ANKHD1: variants seen among roughly 807,000 people sequenced by gnomAD.
ANKHD1 encodes ankyrin repeat and KH domain-containing protein 1.
A neutral mutation model predicts 230.5 loss-of-function variants in ANKHD1; 31 were observed. The ratio of observed to expected loss-of-function variants is 0.13; its 90% CI spans 0.10 to 0.18. The LOEUF is 0.18. Ranked by LOEUF, ANKHD1 falls within the 10% of genes least tolerant of loss-of-function variation. ANKHD1 has a pLI of 1.00. For missense variants in ANKHD1, 2,256 were observed against 3,071.3 expected (o/e 0.73, Z 6.27); for synonymous variants, 1,074 against 1,117.6 (o/e 0.96, Z 0.78).
At chr5:140,534,565 A>T (rs1483085058) in intron 29 of ANKHD1, among the ~76,000 whole-genome samples, 1 of 152,206 alleles carries the variant, frequency 6.6e-6, no homozygotes. Context: ...TAAATGGGTG[A>T]ATTATATGGT....
chr5:140,486,034 C>A, intron 13 of ANKHD1: 1 of 270,818 alleles, frequency 3.7e-6, no homozygotes, highest in Non-Finnish European at 6.7e-6. Flanking sequence ...TGTTTTTTAA[C>A]AAGAGAATCA....
chr5:140,539,073 A>G lies in ANKHD1; in HGVS notation c.7559A>G (p.Asp2520Gly). The G allele has an allele frequency of 6.2e-7, 1 of 1,602,394 alleles. No homozygotes were observed. The change falls in exon 33 of 34, where the codon GAT becomes GGT. Residue 2520 changes from aspartate (D) to glycine (G), a missense_variant. Asp to Gly is a moderately conservative substitution (Grantham distance 94). Transcript: ENST00000360839. ...KVIQNSTECT[D>G]AQQIWPGTWA... ...ATCCAAAATTCAACTGAATGCACTG[A>G]TGCCCAGCAGGTAAAATGGGCTTAA...
intron 22 of ANKHD1, 149 bp from the exon 23 acceptor site, chr5:140,512,679 G>C (rs1218883581): frequency 7.1e-6 from 4 of 566,432 alleles, no homozygotes; most frequent in Non-Finnish European, 1.2e-5. Context: ...CTATTTGGAA[G>C]TATTTGCCTT....
intron 5 of ANKHD1, among the ~76,000 whole-genome samples, chr5:140,441,525 C>T (rs1480289601): frequency 6.6e-6 from 1 of 151,444 alleles, no homozygotes; most frequent in African/African-American, 2.4e-5. Context: ...GTCTTATGGA[C>T]ATAGGTATGC....
chr5:140,515,673 C>G (rs1752969378), intron 24 of ANKHD1, among the ~76,000 whole-genome samples: 1 of 152,210 alleles, frequency 6.6e-6, no homozygotes, highest in Non-Finnish European at 1.5e-5. Context: ...GGGGCACCCC[C>G]CAGCAGGGTC....
intron 1 of ANKHD1, among the ~76,000 whole-genome samples, chr5:140,419,386 T>A (rs540558137): frequency 6.6e-6 from 1 of 152,036 alleles, no homozygotes; most frequent in South Asian, 2.1e-4. Context: ...GGATGCTAGT[T>A]CCTTAACAGA....
chr5:140,479,730 AGGTATATATATATACT>A (rs1355162577), intron 10 of ANKHD1, among the ~76,000 whole-genome samples: 1 of 79,962 alleles, frequency 1.3e-5, no homozygotes, highest in Non-Finnish European at 2.9e-5. Context: ...ATACATACAT[AGGTATATATATATACT>A]TATATATATA....
In ANKHD1 at chr5:140,497,294, T is replaced by G; in HGVS notation, c.3004+16T>G. ...CTGATAGCAGGTGGGTTAAGAAATA[T>G]ATCTGTAATAATTTCTCTTTAATCT... is the stretch of plus-strand genomic sequence containing the variant. On this transcript the variant is annotated intron_variant, in intron 15 of 33. Transcript: ENST00000360839. 5 of 1,580,382 alleles carry G rather than the reference T, an allele frequency of 3.2e-6. No homozygotes were observed. The highest frequency in any genetic ancestry group is 4.3e-6 in the Non-Finnish European group (5 of 1,170,500).
intron 15 of ANKHD1, among the ~76,000 whole-genome samples, chr5:140,501,849 C>G (rs1752320200): frequency 6.6e-6 from 1 of 151,768 alleles, no homozygotes; most frequent in African/African-American, 2.4e-5. Flanking sequence ...AAACTTTCTT[C>G]AACTTCATAA....
intron 5 of ANKHD1, among the ~76,000 whole-genome samples, chr5:140,444,092 T>C (rs1432492922): frequency 7.8e-5 from 10 of 127,394 alleles, no homozygotes; most frequent in African/African-American, 2.9e-4. Context: ...CCCCCCCCCT[T>C]TTTTTTTTTT....
intron 1 of ANKHD1, among the ~76,000 whole-genome samples, chr5:140,415,028 AT>A (rs1771243540): frequency 6.6e-6 from 1 of 151,940 alleles, no homozygotes; most frequent in Non-Finnish European, 1.5e-5. Context: ...GATGAACCTA[AT>A]TTATCTGTTT....
At chr5:140,422,283 C>A (rs368423824) in intron 1 of ANKHD1, among the ~76,000 whole-genome samples, 1 of 151,976 alleles carries the variant, frequency 6.6e-6, no homozygotes, top group East Asian at 2.0e-4. Context: ...CCACCACGCC[C>A]GGCTAATTTT....
intron 1 of ANKHD1, among the ~76,000 whole-genome samples, chr5:140,422,049 C>A (rs1216277404): frequency 6.6e-6 from 1 of 152,172 alleles, no homozygotes; most frequent in Non-Finnish European, 1.5e-5. Context: ...CATGAACTCA[C>A]ATTTTGCATA....
intron 1 of ANKHD1, among the ~76,000 whole-genome samples, chr5:140,403,300 C>G (rs1422720186): frequency 6.6e-6 from 1 of 151,968 alleles, no homozygotes; most frequent in Non-Finnish European, 1.5e-5. Flanking sequence ...GCAGTGAAGT[C>G]CTTCATTTCT....
In ANKHD1 at chr5:140,506,874, C is replaced by T. The variant is rs766265151; in HGVS notation, c.3448C>T (p.His1150Tyr). 6.2e-7 allele frequency: 1 copy of T among 1,614,062 alleles called. No individual in the cohort carries two copies. Among genetic ancestry groups the T allele is most frequent in the Non-Finnish European group, 8.5e-7 (1 of 1,179,996 alleles). ...GCTGGCTCGAGGTGCAAATAAAGAA[C>T]ATAGGAACGTATCTGATTATACACC... The part of the protein sequence containing the change: ...LLLARGANKE[H>Y]RNVSDYTPLS... The change falls in exon 19 of 34, where the codon CAT becomes TAT. Residue 1150 changes from histidine to tyrosine, a missense_variant. His to Tyr is a moderately conservative substitution (Grantham distance 83). Coordinates refer to ENST00000360839, the MANE Select transcript of ANKHD1 (RefSeq NM_017747.3). The surrounding 1 kb of genome is among the most constrained non-coding windows in gnomAD (Gnocchi z 4.7).
At chr5:140,483,711 G>A (rs1458210083) in intron 11 of ANKHD1, among the ~76,000 whole-genome samples, 1 of 152,108 alleles carries the variant, frequency 6.6e-6, no homozygotes, top group Non-Finnish European at 1.5e-5. Flanking sequence ...GCCCGCCTCG[G>A]CCTCCCAAAG....
chr5:140,441,440 A>G (rs561353410), intron 5 of ANKHD1, among the ~76,000 whole-genome samples: 12 of 152,324 alleles, frequency 7.9e-5, no homozygotes, highest in Admixed American at 6.5e-4. Flanking sequence ...GACCTGAAGG[A>G]CATTATGCTA....
intron 10 of ANKHD1, among the ~76,000 whole-genome samples, chr5:140,479,738 AT>A (rs1751171870): frequency 6.7e-6 from 1 of 149,580 alleles, no homozygotes; most frequent in Non-Finnish European, 1.5e-5. Context: ...ATAGGTATAT[AT>A]ATATACTTAT....
chr5:140,499,586 TA>T (rs1752185947), intron 15 of ANKHD1, among the ~76,000 whole-genome samples: 4 of 152,172 alleles, frequency 2.6e-5, no homozygotes, highest in Non-Finnish European at 5.9e-5. Context: ...AAGTTGTTTA[TA>T]TAATTTATTA....
Sources: allele counts gnomAD v4.1 joint callset (sites outside exome capture counted in the v4.1 genomes callset), GRCh38; gene constraint gnomAD v4.1.1; non-coding constraint Gnocchi (gnomAD v3.1); transcripts MANE v1.5; gene names NCBI Gene and HGNC (gene_info 2026-07-23, HGNC 2026-07-21).